Variants in RASGEF1C observed in about 807,000 individuals in gnomAD.
The protein encoded by RASGEF1C is RasGEF domain family member 1C.
Under a neutral mutation model 58.1 loss-of-function variants are expected in RASGEF1C, and 27 were observed. The ratio of observed to expected loss-of-function variants is 0.46; its 90% CI spans 0.34 to 0.64. The LOEUF (loss-of-function observed/expected upper bound fraction) is 0.64. Ranked by LOEUF, RASGEF1C falls within the 30% of genes least tolerant of loss-of-function variation. The probability of loss-of-function intolerance (pLI) is 0.01; values close to 1 mark genes in which losing one functional copy is unlikely to be tolerated. For missense variants in RASGEF1C, 502 were observed against 605.1 expected, an observed-to-expected ratio of 0.83 and a Z score of 1.79; for synonymous variants, 243 against 246.3, an observed-to-expected ratio of 0.99 and a Z score of 0.13.
chr5:180,103,569 A>G (rs1294725454), intron 12 of RASGEF1C, among the ~76,000 whole-genome samples: 2 of 152,080 alleles, frequency 1.3e-5, no homozygotes, highest in Non-Finnish European at 2.9e-5. Flanking sequence ...GAACTCCCTT[A>G]TTAGTTCTAG....
In RASGEF1C at chr5:180,203,861, T is replaced by C. The variant is rs527478393; in HGVS notation, c.-7+5167A>G. 1.0e-3 allele frequency among the ~76,000 whole-genome samples: 156 copies of C among 152,032 alleles called. 2 individuals carry two copies. In the Middle Eastern group the frequency reaches 0.017, roughly 17 times the overall value. ...AATATAACTTAACCGGGCATGGTGGTGCACGCCTGTAATCCCAGCCACTTG... is the reference window on the plus strand; with the variant it reads ...AATATAACTTAACCGGGCATGGTGGCGCACGCCTGTAATCCCAGCCACTTG... On this transcript the variant is annotated intron_variant, in intron 1 of 13. Coordinates refer to ENST00000361132, the MANE Select transcript of RASGEF1C (RefSeq NM_175062.4).
chr5:180,207,677 G>C (rs1314372874), intron 1 of RASGEF1C, among the ~76,000 whole-genome samples: 1 of 151,618 alleles, frequency 6.6e-6, no homozygotes, highest in Admixed American at 6.6e-5. Context: ...CCGCCGCCAC[G>C]GGCAGCCTTT....
At chr5:180,206,058 TTCTCTC>T (rs139871259) in intron 1 of RASGEF1C, among the ~76,000 whole-genome samples, 5 of 151,518 alleles carry the variant, frequency 3.3e-5, no homozygotes, top group Non-Finnish European at 7.4e-5. Flanking sequence ...AATATATTTT[TTCTCTC>T]TCTCTCTCTT....
intron 1 of RASGEF1C, among the ~76,000 whole-genome samples, chr5:180,187,573 G>T (rs947176501): frequency 1.4e-4 from 21 of 152,076 alleles, no homozygotes; most frequent in African/African-American, 5.1e-4. Flanking sequence ...CTAAATAAAT[G>T]GAAAGATATT....
In RASGEF1C at chr5:180,137,190, C is replaced by A. The variant is rs1417161129; in HGVS notation, c.300+400G>T. On this transcript the variant is annotated intron_variant, in intron 3 of 13. Transcript: ENST00000361132. The surrounding 1 kb of genome is among the most constrained non-coding windows in gnomAD (Gnocchi z 4.1). ...CAGGCGGGTTGAAGTTGGGTCTCTC[C>A]CACTAGCGGTAGAGCCCTACCGACG... Among the ~76,000 whole-genome samples, 2 of 152,140 alleles carry A rather than the reference C, an allele frequency of 1.3e-5. No individual in the cohort carries two copies. The highest frequency in any genetic ancestry group is 4.8e-5 in the African/African-American group (2 of 41,420).
intron 1 of RASGEF1C, among the ~76,000 whole-genome samples, chr5:180,173,250 G>C (rs182135569): frequency 6.6e-6 from 1 of 152,232 alleles, no homozygotes; most frequent in Admixed American, 6.5e-5. Context: ...CTGCATTCCT[G>C]CCTGGTACTG....
chr5:180,167,747 G>T (rs933312270), intron 1 of RASGEF1C, among the ~76,000 whole-genome samples: 3 of 152,180 alleles, frequency 2.0e-5, no homozygotes, highest in Non-Finnish European at 4.4e-5. Context: ...TTCCTGTGCA[G>T]GTTGAGATTT....
At chr5:180,178,612 C>T (rs2004569) in intron 1 of RASGEF1C, among the ~76,000 whole-genome samples, 33 of 152,070 alleles carry the variant, frequency 2.2e-4, no homozygotes, top group African/African-American at 7.7e-4. Flanking sequence ...GAAGCAAATG[C>T]GTTTTCTGAG....
chr5:180,111,382 G>A (rs1765956368), intron 12 of RASGEF1C, 75 bp downstream of exon 12: 2 of 1,598,634 alleles, frequency 1.3e-6, no homozygotes, highest in Non-Finnish European at 1.7e-6. Context: ...CAGAGCAGGG[G>A]TCCTGAATGG....
In RASGEF1C at chr5:180,105,024, A is replaced by T. The variant is rs539181948; in HGVS notation, c.1304-2881T>A. 4.5e-4 allele frequency among the ~76,000 whole-genome samples: 68 copies of T among 152,290 alleles called. 1 individual carries two copies. Among genetic ancestry groups the T allele is most frequent in the African/African-American group, 1.5e-3 (61 of 41,546 alleles). On this transcript the variant is annotated intron_variant, in intron 12 of 13. Transcript: ENST00000361132. The stretch of plus-strand genomic sequence containing the variant: ...GCAGATAGTACGGAATCCTGTATAT[A>T]CTTGTCTTGGATCCCTTTTCCATCT...
chr5:180,165,750 C>CTTTTT (rs372734323), intron 1 of RASGEF1C, among the ~76,000 whole-genome samples: 27 of 107,390 alleles, frequency 2.5e-4, no homozygotes, highest in Non-Finnish European at 4.2e-4. Context: ...TTAATTTTTC[C>CTTTTT]TTTTTTTTTT....
Position 180,179,116 on chromosome 5 carries a change from C to T in RASGEF1C, c.-7+29912G>A, listed in dbSNP as rs575350815. ...TGGAGGGAGAGTCGTGGGTCTGGAT[C>T]GAGCTGGAATCAGGGGCATGCAGCC... is the stretch of plus-strand genomic sequence containing the variant. On this transcript the variant is annotated intron_variant, in intron 1 of 13. Transcript: ENST00000361132. 3.1e-4 allele frequency among the ~76,000 whole-genome samples: 47 copies of T among 152,208 alleles called. 2 individuals carry two copies. In the South Asian group the frequency reaches 8.7e-3, roughly 28 times the overall value.
Position 180,195,724 on chromosome 5 carries a change from TAC to T in RASGEF1C, c.-7+13302_-7+13303del, listed in dbSNP as rs1756261769. On this transcript the variant is annotated intron_variant, in intron 1 of 13. Transcript: ENST00000361132. ...TTGCAGTGAGCCGAGATCACACCAC[TAC>T]TGCACTCCAGCCTGGGCGACAGAGC... Among the ~76,000 whole-genome samples the T allele has an allele frequency of 3.4e-5, 5 of 149,026 alleles. 1 individual carries two copies. The South Asian group carries it at 8.4e-4, about 25-fold the overall frequency.
At chr5:180,115,927 G>C (rs770162011) in intron 10 of RASGEF1C, among the ~76,000 whole-genome samples, 11 of 152,096 alleles carry the variant, frequency 7.2e-5, no homozygotes, top group Non-Finnish European at 1.0e-4. Flanking sequence ...TGAGTCCCCA[G>C]TCCTAGTGCA....
chr5:180,124,771 C>T (rs933533015), intron 6 of RASGEF1C, among the ~76,000 whole-genome samples: 5 of 152,034 alleles, frequency 3.3e-5, no homozygotes, highest in Admixed American at 6.6e-5. Flanking sequence ...TTGTAGTGAG[C>T]GAAGATCGTG....
In RASGEF1C at chr5:180,113,068, C is replaced by T. The variant is rs368074867; in HGVS notation, c.1179+1378G>A. 8.9e-4 allele frequency among the ~76,000 whole-genome samples: 115 copies of T among 128,586 alleles called. 4 individuals are homozygous for T. The highest frequency in any genetic ancestry group is 2.5e-3 in the East Asian group (10 of 3,946). 84.4% of individuals were successfully genotyped at this position (128,586 alleles called of 152,430 possible). On this transcript the variant is annotated intron_variant, in intron 11 of 13. Transcript: ENST00000361132. ...GATGGACGGAGGGATCCGGGCTGGA[C>T]GGAGGGACCGGGGATGGACAGAGGG...
chr5:180,122,370 A>T (rs74460690), intron 6 of RASGEF1C, among the ~76,000 whole-genome samples: 4,261 of 152,310 alleles, frequency 0.028, 227 homozygotes, highest in African/African-American at 0.097. Context: ...AAAAATTTTT[A>T]AATGGATTTA....
intron 11 of RASGEF1C, among the ~76,000 whole-genome samples, chr5:180,113,857 C>T (rs569747974): frequency 2.4e-4 from 37 of 151,892 alleles, no homozygotes; most frequent in African/African-American, 7.5e-4. Context: ...ATGGAGGGAT[C>T]GAGGATAGAT....
At chr5:180,130,047 C>T (rs1766337867) in intron 4 of RASGEF1C, among the ~76,000 whole-genome samples, 2 of 152,162 alleles carry the variant, frequency 1.3e-5, no homozygotes, top group Admixed American at 6.5e-5. Context: ...GCACTTACTG[C>T]GCACCCACTG....
Sources: allele counts gnomAD v4.1 joint callset (sites outside exome capture counted in the v4.1 genomes callset), GRCh38; gene constraint gnomAD v4.1.1; non-coding constraint Gnocchi (gnomAD v3.1); transcripts MANE v1.5; gene names NCBI Gene and HGNC (gene_info 2026-07-23, HGNC 2026-07-21).